KCNIP4: variants seen among roughly 807,000 people sequenced by gnomAD.
KCNIP4 encodes the protein potassium voltage-gated channel interacting protein 4, also known as Kv channel-interacting protein 4.
Under a neutral mutation model 34.0 loss-of-function variants are expected in KCNIP4, and 12 were observed. The ratio of observed to expected loss-of-function variants is 0.35; its 90% CI spans 0.23 to 0.57. The LOEUF is 0.57. Among genes scored for constraint, KCNIP4 ranks in the 20% least tolerant of loss-of-function variants. KCNIP4 has a pLI of 0.83. For missense variants in KCNIP4, 238 were observed against 311.7 expected (o/e 0.76, Z 1.78); for synonymous variants, 124 against 102.2 (o/e 1.21, Z -1.29).
chr4:20,889,767 C>CAAAAAAAAAAAAAAAAAAAATA (rs201346832), intron 1 of KCNIP4, among the ~76,000 whole-genome samples: 1 of 114,002 alleles, frequency 8.8e-6, no homozygotes, highest in Non-Finnish European at 2.0e-5. Flanking sequence ...ACTGGAAGTT[C>CAAAAAAAAAAAAAAAAAAAATA]AAAAAAAAAA....
chr4:21,814,979 C>T (rs1721903762), intron 1 of KCNIP4, among the ~76,000 whole-genome samples: 1 of 152,152 alleles, frequency 6.6e-6, no homozygotes, highest in Non-Finnish European at 1.5e-5. Context: ...TTCTTAAGGC[C>T]ATTTTTCAAC....
intron 1 of KCNIP4, among the ~76,000 whole-genome samples, chr4:21,056,977 G>T (rs552869390): frequency 1.3e-5 from 2 of 152,092 alleles, no homozygotes; most frequent in Admixed American, 6.6e-5. Context: ...AATATTTATT[G>T]TTTGGTTACT....
chr4:21,444,078 G>A (rs373075509), intron 1 of KCNIP4, among the ~76,000 whole-genome samples: 33 of 152,198 alleles, frequency 2.2e-4, no homozygotes, highest in African/African-American at 7.5e-4. Context: ...AAACCAGGAA[G>A]AAGTTGAATC....
chr4:21,941,053 C>A (rs1466474568), intron 1 of KCNIP4, among the ~76,000 whole-genome samples: 1 of 152,158 alleles, frequency 6.6e-6, no homozygotes, highest in East Asian at 1.9e-4. Flanking sequence ...GTTTCTCATG[C>A]TATCATAATG....
rs941599386 is a variant in KCNIP4, at chr4:21,108,290, T to C, written c.62-225581A>G. 3.4e-4 allele frequency among the ~76,000 whole-genome samples: 46 copies of C among 135,744 alleles called. 3 individuals carry two copies. Among genetic ancestry groups the C allele is most frequent in the African/African-American group, 1.4e-3 (44 of 32,492 alleles). The allele number at this position is 135,744 out of a possible 152,430, so 89.1% of individuals were successfully genotyped here. On this transcript the variant is annotated intron_variant, in intron 1 of 8. Transcript: ENST00000382152. ...CGTAGTCCCATATTTCTTGGAGGCT[T>C]TGCTCGTTTCTTTTTATTTTTTCTC...
intron 3 of KCNIP4, among the ~76,000 whole-genome samples, chr4:20,822,462 T>C (rs1433981803): frequency 6.6e-6 from 1 of 152,174 alleles, no homozygotes; most frequent in African/African-American, 2.4e-5. Context: ...GGAATACTTT[T>C]ACACAGCTGG....
intron 1 of KCNIP4, among the ~76,000 whole-genome samples, chr4:21,807,423 T>G (rs1005726636): frequency 1.3e-5 from 2 of 152,234 alleles, no homozygotes; most frequent in Non-Finnish European, 2.9e-5. Flanking sequence ...CATGGCCATC[T>G]AATCTGTGAA....
intron 1 of KCNIP4, among the ~76,000 whole-genome samples, chr4:21,715,083 T>C (rs1323878127): frequency 3.8e-5 from 2 of 52,574 alleles, no homozygotes; most frequent in Non-Finnish European, 5.5e-5. Context: ...TATTTTATTT[T>C]ATTTTATTTA....
intron 1 of KCNIP4, among the ~76,000 whole-genome samples, chr4:21,780,214 G>A (rs1233427892): frequency 6.6e-6 from 1 of 152,190 alleles, no homozygotes; most frequent in Non-Finnish European, 1.5e-5. Context: ...GTGAGGATGT[G>A]TGGAATCTGA....
intron 1 of KCNIP4, among the ~76,000 whole-genome samples, chr4:21,560,045 A>T (rs1191704281): frequency 6.6e-6 from 1 of 151,944 alleles, no homozygotes; most frequent in African/African-American, 2.4e-5. Flanking sequence ...TGCATCTTTG[A>T]TAATATTTCA....
intron 1 of KCNIP4, among the ~76,000 whole-genome samples, chr4:21,620,941 G>A (rs1191944323): frequency 6.6e-5 from 10 of 152,144 alleles, no homozygotes; most frequent in Admixed American, 5.9e-4. Flanking sequence ...CCTGGTTGCT[G>A]ATTGTTGTTT....
intron 1 of KCNIP4, among the ~76,000 whole-genome samples, chr4:21,109,993 G>A (rs1749014477): frequency 6.6e-6 from 1 of 152,056 alleles, no homozygotes; most frequent in Non-Finnish European, 1.5e-5. Flanking sequence ...TTTGTTGTTA[G>A]GGATGACACC....
chr4:20,844,961 A>C (rs1720187250), intron 3 of KCNIP4, among the ~76,000 whole-genome samples: 1 of 152,180 alleles, frequency 6.6e-6, no homozygotes, highest in Non-Finnish European at 1.5e-5. Context: ...ATAATAAGCC[A>C]AACATGGAGG....
chr4:21,414,609 A>G (rs915112715), intron 1 of KCNIP4, among the ~76,000 whole-genome samples: 5 of 152,166 alleles, frequency 3.3e-5, no homozygotes, highest in Admixed American at 2.0e-4. Flanking sequence ...TTGAAATAGG[A>G]TCTTAAAGAC....
chr4:21,361,463 A>T (rs1262643732), intron 1 of KCNIP4, among the ~76,000 whole-genome samples: 1 of 151,956 alleles, frequency 6.6e-6, no homozygotes, highest in Non-Finnish European at 1.5e-5. Context: ...AAAGAAAGAC[A>T]TTATCTAGCA....
chr4:21,043,720 A>G (rs114151164), intron 1 of KCNIP4, among the ~76,000 whole-genome samples: 2,366 of 152,228 alleles, frequency 0.016, 31 homozygotes, highest in Non-Finnish European at 0.026. Flanking sequence ...AGAAACTGCT[A>G]TTTTTTCAGA....
At chr4:21,289,111 A>G (rs955565799) in intron 1 of KCNIP4, among the ~76,000 whole-genome samples, 3 of 152,220 alleles carry the variant, frequency 2.0e-5, no homozygotes, top group African/African-American at 7.2e-5. Flanking sequence ...AGTACAAGTC[A>G]TATCTTATTT....
intron 1 of KCNIP4, among the ~76,000 whole-genome samples, chr4:21,702,516 T>C (rs1712937662): frequency 6.6e-6 from 1 of 152,138 alleles, no homozygotes; most frequent in Non-Finnish European, 1.5e-5. Context: ...AAAAATTCCT[T>C]AAAAAATACA....
chr4:20,871,642 G>A (rs563235106), intron 2 of KCNIP4, among the ~76,000 whole-genome samples: 1 of 152,052 alleles, frequency 6.6e-6, no homozygotes, highest in Non-Finnish European at 1.5e-5. Context: ...GAAAATAACT[G>A]AGCAGCATGG....
Sources: allele counts gnomAD v4.1 joint callset (sites outside exome capture counted in the v4.1 genomes callset), GRCh38; gene constraint gnomAD v4.1.1; transcripts MANE v1.5; gene names NCBI Gene and HGNC (gene_info 2026-07-23, HGNC 2026-07-21).